CELSR1: variants seen among roughly 807,000 people sequenced by gnomAD.
The protein encoded by CELSR1 is adhesion G protein-coupled receptor C1.
In CELSR1, 110 loss-of-function variants were observed where a neutral mutation model predicts 249.1. The observed-to-expected ratio is 0.44, with a 90% CI of 0.38 to 0.52. The LOEUF is 0.52. Ranked by LOEUF, CELSR1 falls within the 20% of genes least tolerant of loss-of-function variation. The probability of loss-of-function intolerance (pLI) is 0.00; values close to 1 mark genes in which losing one functional copy is unlikely to be tolerated. For missense variants in CELSR1, 4,109 were observed against 4,296.4 expected, an observed-to-expected ratio of 0.96 and a Z score of 1.22; for synonymous variants, 2,113 against 1,900.0, an observed-to-expected ratio of 1.11 and a Z score of -2.92.
In CELSR1 at chr22:46,471,734, G is replaced by A. The variant is rs901623946; in HGVS notation, c.3545-7389C>T. ...ATAATGAAGGAGCCAGTATTGATAG[G>A]TTATTAACTGAAGCCTGTTCTCTCT... is the stretch of plus-strand genomic sequence containing the variant. On this transcript the variant is annotated intron_variant, in intron 1 of 34. Transcript: ENST00000674500. The surrounding 1 kb of genome is among the most constrained non-coding windows in gnomAD (Gnocchi z 4.9). Among the ~76,000 whole-genome samples the A allele has an allele frequency of 2.0e-5, 3 of 152,042 alleles. No individual in the cohort carries two copies. The highest frequency in any genetic ancestry group is 1.3e-4 in the Admixed American group (2 of 15,256).
chr22:46,389,447 T>C lies in CELSR1; in HGVS notation c.6398A>G (p.Gln2133Arg). 1 of 1,613,124 alleles carries C rather than the reference T, an allele frequency of 6.2e-7. No homozygotes were observed. Among genetic ancestry groups the C allele is most frequent in the Non-Finnish European group, 8.5e-7 (1 of 1,180,014 alleles). Residue 2133 changes from glutamine (Q) to arginine (R), a missense_variant, in exon 18 of 35, where the codon CAG becomes CGG. Physicochemically the swap from Gln to Arg is conservative, Grantham distance 43. Transcript: ENST00000674500. ...ETQVDGARALQLVRALRSATQ... is the reference protein window; with the variant it reads ...ETQVDGARALRLVRALRSATQ... ...AGCACTGCGCAGCGCCCTCACCAGC[T>C]GCAGGGCCCTGGCGCCGTCCACCTG...
intron 9 of CELSR1, among the ~76,000 whole-genome samples, chr22:46,404,399 G>A (rs1230531991): frequency 6.6e-6 from 1 of 151,638 alleles, no homozygotes; most frequent in African/African-American, 2.4e-5. Flanking sequence ...GAGACAGAGT[G>A]AGACTCCATT....
chr22:46,474,995 G>T (rs772513935), intron 1 of CELSR1, among the ~76,000 whole-genome samples: 1 of 152,044 alleles, frequency 6.6e-6, no homozygotes, highest in East Asian at 1.9e-4. Flanking sequence ...AATGAGGAGC[G>T]TGTTAAAAGC....
At chr22:46,498,291 CAAAAAAAAAA>C (rs757698564) in intron 1 of CELSR1, among the ~76,000 whole-genome samples, 1 of 11,314 alleles carries the variant, frequency 8.8e-5, no homozygotes, top group Admixed American at 1.1e-3. Context: ...AACTCTGTCT[CAAAAAAAAAA>C]AAAAAAAAAA....
intron 18 of CELSR1, among the ~76,000 whole-genome samples, chr22:46,388,039 TG>T (rs2079050423): frequency 6.6e-6 from 1 of 152,060 alleles, no homozygotes; most frequent in Admixed American, 6.5e-5. Flanking sequence ...CTCAGGGGCT[TG>T]GGGACCACAC....
chr22:46,499,237 C>A (rs967752836), intron 1 of CELSR1, among the ~76,000 whole-genome samples: 1 of 150,864 alleles, frequency 6.6e-6, no homozygotes, highest in Non-Finnish European at 1.5e-5. Context: ...CACTCCTGGG[C>A]TCAGCAATGC....
chr22:46,384,667 A>G lies in CELSR1; in HGVS notation c.6759T>C (p.Phe2253=). 6.2e-7 allele frequency: 1 copy of G among 1,612,980 alleles called. No individual in the cohort carries two copies. The highest frequency in any genetic ancestry group is 8.5e-7 in the Non-Finnish European group (1 of 1,179,550). Residue 2253 remains phenylalanine (F), a synonymous_variant, in exon 20 of 35, where the codon TTT becomes TTC. Transcript: ENST00000674500. ...TGGCTCCCGTAAAGTTGAACTTGTC[A>G]AAGATGTCGACAGCAAGAACTGGGG... The part of the protein sequence containing the change: ...TANMILAVDI[F]DKFNFTGARV...
intron 1 of CELSR1, among the ~76,000 whole-genome samples, chr22:46,493,227 G>A (rs1179503311): frequency 6.6e-6 from 1 of 152,198 alleles, no homozygotes; most frequent in East Asian, 1.9e-4. Context: ...TCCAGCCTGG[G>A]CAGCAGAAAA....
chr22:46,479,447 C>G (rs563802712), intron 1 of CELSR1, among the ~76,000 whole-genome samples: 3 of 152,100 alleles, frequency 2.0e-5, no homozygotes, highest in Non-Finnish European at 4.4e-5. Flanking sequence ...CAAGCAGATG[C>G]CTCGTCTTTG....
At chr22:46,376,445 G>C (rs1382372269) in intron 24 of CELSR1, among the ~76,000 whole-genome samples, 1 of 152,168 alleles carries the variant, frequency 6.6e-6, no homozygotes, top group Non-Finnish European at 1.5e-5. Context: ...CTCCATCTCT[G>C]CTCACTGCAA....
At chr22:46,419,239 G>A (rs932361414) in intron 5 of CELSR1, among the ~76,000 whole-genome samples, 12 of 152,150 alleles carry the variant, frequency 7.9e-5, no homozygotes, top group African/African-American at 2.9e-4. Flanking sequence ...TGCTCAGAGG[G>A]GGGTCTTCTT....
Position 46,454,060 on chromosome 22 carries a change from C to T in CELSR1, c.4183+9647G>A, listed in dbSNP as rs1168973703. ...GCAGTCATCCTGCATTACTGTGTGGCCCCAAAGTCATCACAAGGCTCCTTG... is the reference window on the plus strand; with the variant it reads ...GCAGTCATCCTGCATTACTGTGTGGTCCCAAAGTCATCACAAGGCTCCTTG... On this transcript the variant is annotated intron_variant, in intron 2 of 34. Transcript: ENST00000674500. The surrounding 1 kb of genome is among the most constrained non-coding windows in gnomAD (Gnocchi z 5.1). Among the ~76,000 whole-genome samples, 1 of 152,170 alleles carries T rather than the reference C, an allele frequency of 6.6e-6. No homozygotes were observed. Among genetic ancestry groups the T allele is most frequent in the Non-Finnish European group, 1.5e-5 (1 of 68,036 alleles).
At chr22:46,522,374 G>A (rs993567206) in intron 1 of CELSR1, among the ~76,000 whole-genome samples, 3 of 152,134 alleles carry the variant, frequency 2.0e-5, no homozygotes, top group Admixed American at 1.3e-4. Flanking sequence ...GATTCCCAAA[G>A]TGCCAGGATT....
Position 46,381,156 on chromosome 22 carries a change from G to A in CELSR1, c.7089-201C>T, listed in dbSNP as rs971750140. ...TCACTGACAGGGCACACAGAGAGAG[G>A]TGTCACCTTTGGGTCAAATTGGGAC... On this transcript the variant is annotated intron_variant, in intron 21 of 34. Coordinates refer to ENST00000674500, the MANE Select transcript of CELSR1 (RefSeq NM_001378328.1). This position sits in a 1 kb window ranked among gnomAD's most constrained non-coding sequence, Gnocchi z 6.0. Among the ~76,000 whole-genome samples, 6 of 152,134 alleles carry A rather than the reference G, an allele frequency of 3.9e-5. No homozygotes were observed. In the South Asian group the frequency reaches 1.0e-3, roughly 26 times the overall value.
chr22:46,416,509 G>C (rs903745518), intron 5 of CELSR1, among the ~76,000 whole-genome samples: 2 of 152,200 alleles, frequency 1.3e-5, no homozygotes, highest in Admixed American at 6.5e-5. Flanking sequence ...ACAGTGACTG[G>C]AGACAGCAGG....
In CELSR1 at chr22:46,439,310, C is replaced by T. The variant is rs144754861; in HGVS notation, c.4285G>A (p.Val1429Met). The change falls in exon 3 of 35, where the codon GTG becomes ATG. Residue 1429 changes from valine to methionine, a missense_variant. This residue lies in a region of CELSR1 where 453 missense variants were observed against 492.0 expected (regional missense o/e 0.92). Coordinates refer to ENST00000674500, the MANE Select transcript of CELSR1 (RefSeq NM_001378328.1). Reference protein sequence around the residue: ...VNLLIGGFHCVCPPGEYERPY... With the variant: ...VNLLIGGFHCMCPPGEYERPY... ...CTCTCATACTCGCCAGGAGGACACA[C>T]GCAGTGGAAGCCGCCGATGAGCAGG... The T allele has an allele frequency of 1.9e-4, 302 of 1,613,856 alleles. No individual in the cohort carries two copies. The highest frequency in any genetic ancestry group is 2.1e-4 in the Non-Finnish European group (253 of 1,179,962).
At chr22:46,426,578 T>C (rs2079540523) in intron 5 of CELSR1, among the ~76,000 whole-genome samples, 1 of 152,106 alleles carries the variant, frequency 6.6e-6, no homozygotes, top group South Asian at 2.1e-4. Flanking sequence ...CACTTCCTAA[T>C]ACTATCACCT....
intron 5 of CELSR1, among the ~76,000 whole-genome samples, chr22:46,421,928 G>A (rs560244798): frequency 2.0e-5 from 3 of 152,268 alleles, no homozygotes; most frequent in East Asian, 1.9e-4. Flanking sequence ...TCTTAAACAC[G>A]GAACTTCCTA....
rs900092465 is a variant in CELSR1, at chr22:46,396,932, G to A, written c.5702-186C>T. 8.5e-5 allele frequency among the ~76,000 whole-genome samples: 13 copies of A among 152,148 alleles called. No homozygotes were observed. The highest frequency in any genetic ancestry group is 1.6e-4 in the Non-Finnish European group (11 of 68,048). ...GGCGGGTTAGACTTAGTGATGCAGA[G>A]AGGAAGGCCTTCCCGGGCTGCCCCA... On this transcript the variant is annotated intron_variant, in intron 12 of 34. Transcript: ENST00000674500. This position sits in a 1 kb window ranked among gnomAD's most constrained non-coding sequence, Gnocchi z 6.4.
Sources: allele counts gnomAD v4.1 joint callset (sites outside exome capture counted in the v4.1 genomes callset), GRCh38; gene constraint gnomAD v4.1.1; regional missense constraint gnomAD v4.1.1; non-coding constraint Gnocchi (gnomAD v3.1); transcripts MANE v1.5; gene names NCBI Gene and HGNC (gene_info 2026-07-23, HGNC 2026-07-21).